The following NKAIN2 variants were observed in gnomAD, a reference collection of about 807,000 sequenced individuals.
The protein encoded by NKAIN2 is sodium/potassium transporting ATPase interacting 2, also known as sodium/potassium-transporting ATPase subunit beta-1-interacting protein 2.
Under a neutral mutation model 32.6 loss-of-function variants are expected in NKAIN2, and 14 were observed. That is an observed-to-expected ratio of 0.43 (90% CI 0.28 to 0.67). NKAIN2 has a LOEUF of 0.67. Among genes scored for constraint, NKAIN2 ranks in the 30% least tolerant of loss-of-function variants. The pLI, the probability that NKAIN2 is intolerant of heterozygous loss-of-function variation, is 0.17. For missense variants in NKAIN2, 198 were observed against 258.3 expected (o/e 0.77, Z 1.60); for synonymous variants, 80 against 87.2 (o/e 0.92, Z 0.46).
chr6:124,471,085 GTATTT>G (rs1252889063), intron 3 of NKAIN2, among the ~76,000 whole-genome samples: 2 of 152,152 alleles, frequency 1.3e-5, no homozygotes, highest in African/African-American at 4.8e-5. Flanking sequence ...AAAGCCTGAT[GTATTT>G]ACTAGTTGGC....
chr6:124,639,145 A>G (rs2114346677), intron 3 of NKAIN2, among the ~76,000 whole-genome samples: 1 of 152,296 alleles, frequency 6.6e-6, no homozygotes, highest in African/African-American at 2.4e-5. Flanking sequence ...GTAAATTAGT[A>G]CAGCCATTGT....
chr6:124,045,985 C>T (rs76008684), intron 1 of NKAIN2, among the ~76,000 whole-genome samples: 45 of 151,918 alleles, frequency 3.0e-4, no homozygotes, highest in African/African-American at 1.0e-3. Context: ...GGCTTAGCCA[C>T]GAAGTACAGA....
intron 4 of NKAIN2, among the ~76,000 whole-genome samples, chr6:124,674,142 T>G (rs772411598): frequency 9.9e-5 from 15 of 152,062 alleles, no homozygotes; most frequent in Non-Finnish European, 1.6e-4. Context: ...GACAACCTTG[T>G]CAAAAATCAT....
Position 124,804,464 on chromosome 6 carries a change from C to T in NKAIN2, c.535+13065C>T, listed in dbSNP as rs1483599573. On this transcript the variant is annotated intron_variant, in intron 5 of 6. Coordinates refer to ENST00000368417, the MANE Select transcript of NKAIN2 (RefSeq NM_001040214.3). ...TGCTTTTCACTTTCATTGTTTAGCA[C>T]GTGTGAATGTGTTACCAAGCTTAAA... The T allele has an allele frequency of 1.8e-5, 17 of 950,526 alleles. No individual in the cohort carries two copies. The South Asian group carries it at 2.9e-4, about 16-fold the overall frequency. 58.9% of individuals were successfully genotyped at this position (950,526 alleles called of 1,614,324 possible).
intron 1 of NKAIN2, among the ~76,000 whole-genome samples, chr6:123,996,446 A>G (rs1419360321): frequency 6.6e-6 from 1 of 152,114 alleles, no homozygotes; most frequent in Non-Finnish European, 1.5e-5. Context: ...ATAGTTGGAA[A>G]TTGAAAGTTA....
At chr6:124,258,313 C>CT (rs1032233355) in intron 1 of NKAIN2, among the ~76,000 whole-genome samples, 4 of 152,062 alleles carry the variant, frequency 2.6e-5, no homozygotes, top group African/African-American at 9.7e-5. Flanking sequence ...CCAGTGTGCC[C>CT]TGTGACAGCA....
At chr6:124,773,881 C>G (rs1230461718) in intron 4 of NKAIN2, among the ~76,000 whole-genome samples, 2 of 152,082 alleles carry the variant, frequency 1.3e-5, no homozygotes, top group African/African-American at 4.8e-5. Context: ...ATATTGCATG[C>G]CTAAAAGCTG....
At chr6:124,737,611 G>C in intron 4 of NKAIN2, among the ~76,000 whole-genome samples, 1 of 151,890 alleles carries the variant, frequency 6.6e-6, no homozygotes, top group Non-Finnish European at 1.5e-5. Flanking sequence ...CTCAGAAGAA[G>C]ACAGGAAAAT....
At chr6:124,758,842 C>T (rs1003676476) in intron 4 of NKAIN2, among the ~76,000 whole-genome samples, 18 of 152,214 alleles carry the variant, frequency 1.2e-4, no homozygotes, top group Non-Finnish European at 2.4e-4. Flanking sequence ...ACTTTCTATT[C>T]TCTGACATAA....
At chr6:124,630,708 A>AT (rs1357613206) in intron 3 of NKAIN2, among the ~76,000 whole-genome samples, 1 of 152,094 alleles carries the variant, frequency 6.6e-6, no homozygotes, top group Non-Finnish European at 1.5e-5. Context: ...ATTTTTAGTG[A>AT]TTTTAGACAG....
chr6:124,638,386 T>A (rs1189373464), intron 3 of NKAIN2, among the ~76,000 whole-genome samples: 22 of 152,066 alleles, frequency 1.4e-4, no homozygotes, highest in Admixed American at 1.4e-3. Context: ...AAATGCACAG[T>A]CAATGATATC....
intron 1 of NKAIN2, among the ~76,000 whole-genome samples, chr6:124,031,655 AT>A (rs1054856626): frequency 4.3e-4 from 65 of 152,028 alleles, no homozygotes; most frequent in African/African-American, 1.4e-3. Flanking sequence ...TCCTGCCTTC[AT>A]TTTGTTATGT....
chr6:124,467,678 A>G (rs1353857110), intron 3 of NKAIN2, among the ~76,000 whole-genome samples: 1 of 152,136 alleles, frequency 6.6e-6, no homozygotes, highest in Non-Finnish European at 1.5e-5. Context: ...ATCTTATCCA[A>G]CCTGATATTT....
chr6:124,022,884 A>C (rs1019412575), intron 1 of NKAIN2, among the ~76,000 whole-genome samples: 2 of 152,102 alleles, frequency 1.3e-5, no homozygotes, highest in African/African-American at 4.8e-5. Flanking sequence ...GCGAGTTTGC[A>C]AGAAAAACAA....
intron 1 of NKAIN2, among the ~76,000 whole-genome samples, chr6:124,268,357 T>C (rs1023152054): frequency 6.6e-6 from 1 of 152,226 alleles, no homozygotes; most frequent in African/African-American, 2.4e-5. Context: ...CCTAAGCAAA[T>C]TGGACCCCTT....
intron 3 of NKAIN2, among the ~76,000 whole-genome samples, chr6:124,648,989 C>T (rs550314299): frequency 1.3e-5 from 2 of 152,072 alleles, no homozygotes; most frequent in African/African-American, 2.4e-5. Context: ...GTAGTGAAAG[C>T]ACTGCTTTGA....
At chr6:124,726,380 C>T (rs1252103760) in intron 4 of NKAIN2, among the ~76,000 whole-genome samples, 6 of 151,604 alleles carry the variant, frequency 4.0e-5, no homozygotes, top group South Asian at 4.1e-4. Flanking sequence ...CAGACTGCCT[C>T]CTCAAGTGGG....
At chr6:124,652,160 C>T (rs1291820776) in intron 3 of NKAIN2, among the ~76,000 whole-genome samples, 1 of 152,196 alleles carries the variant, frequency 6.6e-6, no homozygotes, top group African/African-American at 2.4e-5. Context: ...TTCCATAAAG[C>T]CCTGGGGCAT....
rs114272769 is a variant in NKAIN2, at chr6:123,987,106, A to T, written c.54+182852A>T. Among the ~76,000 whole-genome samples the T allele has an allele frequency of 3.8e-3, 578 of 152,318 alleles. 3 individuals are homozygous for T. The highest frequency in any genetic ancestry group is 0.013 in the African/African-American group (537 of 41,566). On this transcript the variant is annotated intron_variant, in intron 1 of 6. Coordinates refer to ENST00000368417, the MANE Select transcript of NKAIN2 (RefSeq NM_001040214.3). ...AGTTAAATGAGGTGATATTTATATA[A>T]GAAATGTGCACAGTATACTTCACTC...
Sources: gnomAD v4.1 joint callset for allele counts (sites outside exome capture counted in the v4.1 genomes callset) on GRCh38, gnomAD v4.1.1 for gene constraint, MANE v1.5 for transcripts, NCBI Gene and HGNC (gene_info 2026-07-23, HGNC 2026-07-21) for gene names.